SAMD5: variants seen among roughly 807,000 people sequenced by gnomAD.
SAMD5 encodes sterile alpha motif domain-containing protein 5.
SAMD5 carries 13 observed loss-of-function variants against 11.3 expected under a neutral mutation model. That is an observed-to-expected ratio of 1.15 (90% CI 0.75 to 1.83). The LOEUF is 1.83. Among genes scored for constraint, SAMD5 ranks in the 40% most tolerant of loss-of-function variants. The pLI is 0.00. For synonymous variants in SAMD5, 129 were observed against 111.3 expected, an observed-to-expected ratio of 1.16 and a Z score of -1.00; for missense variants, 255 against 239.1, an observed-to-expected ratio of 1.07 and a Z score of -0.44.
intron 1 of SAMD5, among the ~76,000 whole-genome samples, chr6:147,626,664 A>G (rs1790054611): frequency 1.3e-5 from 2 of 151,994 alleles, no homozygotes; most frequent in African/African-American, 2.4e-5. Flanking sequence ...ATAAAAAATT[A>G]AGGCATTGGC....
At chr6:147,940,153 G>A in the SAMD5 span, among the ~76,000 whole-genome samples, 1 of 151,778 alleles carries the variant, frequency 6.6e-6, no homozygotes, top group Non-Finnish European at 1.5e-5. Context: ...TTTGTGGGAG[G>A]AGAATATCAG....
At chr6:147,629,320 T>C (rs1020326654) in intron 1 of SAMD5, among the ~76,000 whole-genome samples, 2 of 117,792 alleles carry the variant, frequency 1.7e-5, no homozygotes, top group Non-Finnish European at 4.2e-5. Flanking sequence ...CAAAAAATAA[T>C]AATAAAAAAA....
intron 1 of SAMD5, among the ~76,000 whole-genome samples, chr6:147,560,841 C>T (rs1788936079): frequency 6.6e-6 from 1 of 152,122 alleles, no homozygotes; most frequent in South Asian, 2.1e-4. Context: ...ACTGCCTAGC[C>T]TCTGAAATGA....
chr6:147,782,212 G>A, the SAMD5 span, among the ~76,000 whole-genome samples: 1 of 151,886 alleles, frequency 6.6e-6, no homozygotes, highest in Non-Finnish European at 1.5e-5. Flanking sequence ...AATATGTTCA[G>A]TACTAGGCTT....
At chr6:147,825,742 C>T in the SAMD5 span, among the ~76,000 whole-genome samples, 3 of 152,112 alleles carry the variant, frequency 2.0e-5, no homozygotes, top group Non-Finnish European at 2.9e-5. Flanking sequence ...ATTTTTGTGA[C>T]GATTTCTCTG....
chr6:147,902,841 A>G, the SAMD5 span, among the ~76,000 whole-genome samples: 3 of 152,122 alleles, frequency 2.0e-5, no homozygotes, highest in African/African-American at 7.2e-5. Context: ...TCACATTCTG[A>G]TTTTTATCAT....
chr6:147,768,705 A>G, the SAMD5 span, among the ~76,000 whole-genome samples: 1 of 152,212 alleles, frequency 6.6e-6, no homozygotes. Context: ...ATGTTTTGAT[A>G]CATATTTAAA....
At chr6:147,821,576 T>A in the SAMD5 span, among the ~76,000 whole-genome samples, 1 of 152,220 alleles carries the variant, frequency 6.6e-6, no homozygotes, top group Non-Finnish European at 1.5e-5. Flanking sequence ...GGGTTCTGCC[T>A]TATAAATCGA....
At chr6:147,830,990 G>T in the SAMD5 span, among the ~76,000 whole-genome samples, 4 of 152,116 alleles carry the variant, frequency 2.6e-5, no homozygotes, top group African/African-American at 9.7e-5. Flanking sequence ...ACGAAGTTAC[G>T]TACATCTCAC....
rs375411526 is a variant in SAMD5, at chr6:147,523,426, A to G, written c.459+14039A>G. On this transcript the variant is annotated intron_variant, in intron 1 of 1. Transcript: ENST00000367474. Reference sequence around the variant, plus strand: ...AGTATTTTCTGGAGAAAATACCTCAATTGAGTGCTAAACTCAGCTGAGTTT... The same window carrying G: ...AGTATTTTCTGGAGAAAATACCTCAGTTGAGTGCTAAACTCAGCTGAGTTT... Among the ~76,000 whole-genome samples, 12 of 152,174 alleles carry G rather than the reference A, an allele frequency of 7.9e-5. No homozygotes were observed. In the East Asian group the frequency reaches 9.6e-4, roughly 12 times the overall value.
chr6:147,874,382 A>G, the SAMD5 span, among the ~76,000 whole-genome samples: 1 of 152,120 alleles, frequency 6.6e-6, no homozygotes, highest in African/African-American at 2.4e-5. Context: ...GCTGTGTTCA[A>G]TCTAAAATGA....
At chr6:147,693,169 T>C (rs561649760) in intron 1 of SAMD5, among the ~76,000 whole-genome samples, 1 of 152,248 alleles carries the variant, frequency 6.6e-6, no homozygotes, top group Non-Finnish European at 1.5e-5. Flanking sequence ...TGGACTACAC[T>C]GGCACCTTTC....
At chr6:147,552,712 T>C (rs576483854) in intron 1 of SAMD5, among the ~76,000 whole-genome samples, 98 of 152,352 alleles carry the variant, frequency 6.4e-4, no homozygotes, top group Non-Finnish European at 1.2e-3. Context: ...TGCATACATA[T>C]GCCTGTGTGG....
the SAMD5 span, among the ~76,000 whole-genome samples, chr6:147,761,248 C>T: frequency 6.6e-6 from 1 of 152,046 alleles, no homozygotes; most frequent in East Asian, 1.9e-4. Flanking sequence ...ATAATATATA[C>T]CCTACAAGGC....
intron 1 of SAMD5, among the ~76,000 whole-genome samples, chr6:147,620,925 AG>A (rs1789949871): frequency 6.7e-6 from 1 of 149,154 alleles, no homozygotes; most frequent in South Asian, 2.1e-4. Context: ...TGTGTATGTG[AG>A]TGTATGTTTG....
the SAMD5 span, among the ~76,000 whole-genome samples, chr6:147,907,729 TA>T: frequency 6.6e-6 from 1 of 152,158 alleles, no homozygotes; most frequent in Non-Finnish European, 1.5e-5. Flanking sequence ...TTCCTTTGAC[TA>T]AGGCCTTTGT....
the SAMD5 span, among the ~76,000 whole-genome samples, chr6:147,873,270 G>T: frequency 6.6e-6 from 1 of 151,824 alleles, no homozygotes; most frequent in Non-Finnish European, 1.5e-5. Flanking sequence ...CCAGCTACTC[G>T]GGAGGCTGAG....
At chr6:147,744,921 A>ATAAATAAATAAATAAGTAAG in the SAMD5 span, among the ~76,000 whole-genome samples, 8 of 142,532 alleles carry the variant, frequency 5.6e-5, no homozygotes, top group Admixed American at 2.7e-4. Flanking sequence ...AAATAAATAA[A>ATAAATAAATAAATAAGTAAG]TAAGTAAGTA....
rs80271710 is a variant in SAMD5, at chr6:147,599,746, C to G, written c.162+90359C>G. Among the ~76,000 whole-genome samples, 9 of 152,294 alleles carry G rather than the reference C, an allele frequency of 5.9e-5. No individual in the cohort carries two copies. The East Asian group carries it at 1.5e-3, about 26-fold the overall frequency. On this transcript the variant is annotated intron_variant, in intron 1 of 1. Transcript: ENST00000566741. The stretch of plus-strand genomic sequence containing the variant: ...GTGAAATGAACACAATTTTGCTTCA[C>G]TGCTTGGTAAAGCCAAAGCCCTCAC...
Sources: gnomAD v4.1 joint callset for allele counts (sites outside exome capture counted in the v4.1 genomes callset) on GRCh38, gnomAD v4.1.1 for gene constraint, MANE v1.5 for transcripts, NCBI Gene and HGNC (gene_info 2026-07-23, HGNC 2026-07-21) for gene names.